Variants in FAM120A observed in about 807,000 individuals in gnomAD.
FAM120A encodes the protein family with sequence similarity 120 member A.
A neutral mutation model predicts 109.7 loss-of-function variants in FAM120A; 15 were observed. The ratio of observed to expected loss-of-function variants is 0.14; its 90% CI spans 0.09 to 0.21. The LOEUF (loss-of-function observed/expected upper bound fraction) is 0.21. Among genes scored for constraint, FAM120A ranks in the 10% least tolerant of loss-of-function variants. The probability of loss-of-function intolerance (pLI) is 1.00; values close to 1 mark genes in which losing one functional copy is unlikely to be tolerated. For missense variants in FAM120A, 899 were observed against 1,439.3 expected (o/e 0.62, Z 6.07); for synonymous variants, 493 against 572.8 (o/e 0.86, Z 1.99).
intron 1 of FAM120A, among the ~76,000 whole-genome samples, chr9:93,457,376 A>G (rs1857595237): frequency 1.3e-5 from 2 of 151,562 alleles, no homozygotes; most frequent in South Asian, 2.1e-4. Flanking sequence ...TATAATATAT[A>G]TTATTATAAT....
At chr9:93,556,713 C>A in intron 13 of FAM120A, 122 bp downstream of exon 13, 1 of 981,418 alleles carries the variant, frequency 1.0e-6, no homozygotes, top group Non-Finnish European at 1.5e-6. Context: ...TAGGTTGGGC[C>A]TGGTACTGAG....
chr9:93,520,886 C>T (rs1860818349), intron 7 of FAM120A, among the ~76,000 whole-genome samples: 1 of 152,212 alleles, frequency 6.6e-6, no homozygotes. Flanking sequence ...CATCTGGGTG[C>T]GCTTGGCAGC....
intron 15 of FAM120A, 50 bp downstream of exon 15, chr9:93,558,768 C>T (rs760912821): frequency 3.6e-5 from 57 of 1,599,258 alleles, no homozygotes; most frequent in South Asian, 3.6e-4. Flanking sequence ...GCACTTCCTT[C>T]GCTCCATCGT....
At chr9:93,523,793 G>A (rs933608391) in intron 7 of FAM120A, among the ~76,000 whole-genome samples, 2 of 152,250 alleles carry the variant, frequency 1.3e-5, no homozygotes, top group Admixed American at 6.5e-5. Context: ...AGTGCTTTCT[G>A]TGTTCCTGAC....
At chr9:93,523,377 G>A (rs1247072864) in intron 7 of FAM120A, 2 of 1,241,376 alleles carry the variant, frequency 1.6e-6, no homozygotes, top group Non-Finnish European at 2.1e-6. Context: ...GGTAGGCCTG[G>A]GGCTGAGGGA....
At chr9:93,544,070 TGCC>T (rs1861799741) in intron 11 of FAM120A, among the ~76,000 whole-genome samples, 2 of 152,240 alleles carry the variant, frequency 1.3e-5, no homozygotes, top group Non-Finnish European at 1.5e-5. Context: ...GTGTGGCACA[TGCC>T]GTATTTGTAT....
Position 93,498,757 on chromosome 9 carries a change from T to C in FAM120A, c.934-33T>C. On this transcript the variant is annotated intron_variant, in intron 4 of 17. Transcript: ENST00000277165. The surrounding 1 kb of genome is among the most constrained non-coding windows in gnomAD (Gnocchi z 4.4). ...GTGATACACATGACCAGTGGCACAC[T>C]AATTTATGAAGGTTTTCCTGCCTTT... 2 of 1,271,812 alleles carry C rather than the reference T, an allele frequency of 1.6e-6. No individual in the cohort carries two copies. Among genetic ancestry groups the C allele is most frequent in the Non-Finnish European group, 2.3e-6 (2 of 867,670 alleles). The allele number at this position is 1,271,812 out of a possible 1,614,324, so 78.8% of individuals were successfully genotyped here. A position where few individuals can be genotyped will look rare whatever the true frequency, so the allele number is the denominator to read the frequency against.
chr9:93,555,112 C>G (rs980244885), intron 12 of FAM120A, among the ~76,000 whole-genome samples: 1 of 152,124 alleles, frequency 6.6e-6, no homozygotes, highest in Non-Finnish European at 1.5e-5. Flanking sequence ...GACCTCTCTT[C>G]CTCCACTTTG....
chr9:93,465,505 T>C (rs1266712694), intron 1 of FAM120A, among the ~76,000 whole-genome samples: 1 of 152,254 alleles, frequency 6.6e-6, no homozygotes, highest in African/African-American at 2.4e-5. Flanking sequence ...CCTGTTATAC[T>C]TTGTTCATCT....
At chr9:93,462,752 T>C (rs530632599) in intron 1 of FAM120A, among the ~76,000 whole-genome samples, 1 of 152,366 alleles carries the variant, frequency 6.6e-6, no homozygotes, top group Non-Finnish European at 1.5e-5. Flanking sequence ...TCTGAAGTTG[T>C]CTACCCTATG....
chr9:93,519,884 T>TA (rs896814004), intron 7 of FAM120A, among the ~76,000 whole-genome samples: 11 of 152,198 alleles, frequency 7.2e-5, no homozygotes, highest in African/African-American at 2.2e-4. Flanking sequence ...TTATTATTAT[T>TA]ATTTTTTTAG....
chr9:93,531,835 T>C (rs1406040071), intron 9 of FAM120A, among the ~76,000 whole-genome samples: 1 of 152,276 alleles, frequency 6.6e-6, no homozygotes, highest in Non-Finnish European at 1.5e-5. Flanking sequence ...CAGTCTTTTC[T>C]ATTCTGTTTC....
At chr9:93,499,436 C>T (rs1224699428) in intron 5 of FAM120A, among the ~76,000 whole-genome samples, 3 of 151,782 alleles carry the variant, frequency 2.0e-5, no homozygotes, top group Non-Finnish European at 4.4e-5. Context: ...TACAGGCATG[C>T]GCCACCATGC....
chr9:93,562,053 CA>C (rs1862487434), intron 16 of FAM120A, among the ~76,000 whole-genome samples, 154 bp from the exon 17 acceptor site: 1 of 152,188 alleles, frequency 6.6e-6, no homozygotes, highest in South Asian at 2.1e-4. Context: ...GGTCTGACTG[CA>C]AAAATTCAAC....
intron 11 of FAM120A, among the ~76,000 whole-genome samples, chr9:93,548,453 G>A (rs1861972816): frequency 6.6e-6 from 1 of 152,056 alleles, no homozygotes; most frequent in Non-Finnish European, 1.5e-5. Flanking sequence ...TGTGTAAGGG[G>A]AACAGAGTTT....
At chr9:93,495,312 A>G (rs1564326376) in intron 3 of FAM120A, among the ~76,000 whole-genome samples, 1 of 152,248 alleles carries the variant, frequency 6.6e-6, no homozygotes, top group Non-Finnish European at 1.5e-5. Flanking sequence ...GTTAGCTAAT[A>G]TACCACCATG....
chr9:93,501,226 A>T (rs1859787152), intron 5 of FAM120A, among the ~76,000 whole-genome samples: 1 of 152,184 alleles, frequency 6.6e-6, no homozygotes, highest in Non-Finnish European at 1.5e-5. Context: ...GGGACTGGAA[A>T]ATCTACTTAG....
chr9:93,466,860 C>T (rs892514068), intron 1 of FAM120A, among the ~76,000 whole-genome samples: 6 of 152,096 alleles, frequency 3.9e-5, no homozygotes, highest in South Asian at 2.1e-4. Context: ...CTGGCTCATA[C>T]GGCATTTGCT....
At chr9:93,510,461 G>A (rs2131387834) in intron 5 of FAM120A, among the ~76,000 whole-genome samples, 1 of 152,308 alleles carries the variant, frequency 6.6e-6, no homozygotes. Context: ...TTACAAATGA[G>A]GAATGTCAGT....
Sources: allele counts gnomAD v4.1 joint callset (sites outside exome capture counted in the v4.1 genomes callset), GRCh38; gene constraint gnomAD v4.1.1; non-coding constraint Gnocchi (gnomAD v3.1); transcripts MANE v1.5; gene names NCBI Gene and HGNC (gene_info 2026-07-23, HGNC 2026-07-21).